The following KCNG4 variants were observed in gnomAD, a reference collection of about 807,000 sequenced individuals.
KCNG4 encodes voltage-gated potassium channel regulatory subunit KCNG4.
KCNG4 carries 30 observed loss-of-function variants against 28.2 expected under a neutral mutation model. The observed-to-expected ratio is 1.06, with a 90% CI of 0.80 to 1.44. The LOEUF is 1.44. Among genes scored for constraint, KCNG4 ranks in the 40% most tolerant of loss-of-function variants. The pLI is 0.00. For synonymous variants in KCNG4, 375 were observed against 315.5 expected, an observed-to-expected ratio of 1.19 and a Z score of -2.00; for missense variants, 879 against 712.3, an observed-to-expected ratio of 1.23 and a Z score of -2.66.
At chr16:84,225,970 C>T (rs1904686925) in intron 2 of KCNG4, among the ~76,000 whole-genome samples, 3 of 151,794 alleles carry the variant, frequency 2.0e-5, no homozygotes, top group African/African-American at 4.8e-5. Context: ...AGCAAACATT[C>T]GAAGAAAAGA....
Position 84,237,452 on chromosome 16 carries a change from G to A in KCNG4, c.34C>T (p.Pro12Ser). 6.7e-7 allele frequency: 1 copy of A among 1,503,164 alleles called. No individual in the cohort carries two copies. The highest frequency in any genetic ancestry group is 8.9e-7 in the Non-Finnish European group (1 of 1,126,654). The allele number at this position is 1,503,164 out of a possible 1,614,324, so 93.1% of individuals were successfully genotyped here. A position where few individuals can be genotyped will look rare whatever the true frequency, so the allele number is the denominator to read the frequency against. Residue 12 changes from proline to serine, a missense_variant, in exon 2 of 3, where the codon CCC (proline) becomes TCC (serine). Transcript: ENST00000308251. ...TGGGAACCATAGTGGTGGTGTCTGG[G>A]ATGCAGGCCCCCGTCTCTGGAAGGC... ...PMPSRDGGLHPRHHHYGSHSP... is the reference protein window; with the variant it reads ...PMPSRDGGLHSRHHHYGSHSP...
intron 2 of KCNG4, among the ~76,000 whole-genome samples, chr16:84,234,584 A>G (rs1471008498): frequency 6.6e-6 from 1 of 152,230 alleles, no homozygotes; most frequent in African/African-American, 2.4e-5. Context: ...TGCTTACAGC[A>G]AATGTCCATC....
intron 2 of KCNG4, among the ~76,000 whole-genome samples, chr16:84,230,745 C>T (rs762598283): frequency 6.6e-5 from 10 of 152,206 alleles, no homozygotes; most frequent in Non-Finnish European, 1.2e-4. Flanking sequence ...CCAAGGGCAC[C>T]TTACTTGGTT....
intron 1 of KCNG4, among the ~76,000 whole-genome samples, chr16:84,239,166 T>G (rs1008760852): frequency 2.2e-4 from 34 of 152,142 alleles, no homozygotes; most frequent in African/African-American, 8.0e-4. Flanking sequence ...TCAGAGCCGG[T>G]TGGATTCCGG....
At chr16:84,232,380 A>C (rs1222480146) in intron 2 of KCNG4, among the ~76,000 whole-genome samples, 1 of 152,186 alleles carries the variant, frequency 6.6e-6, no homozygotes, top group African/African-American at 2.4e-5. Flanking sequence ...GAATAGGCTA[A>C]TTCATGGAGA....
intron 2 of KCNG4, among the ~76,000 whole-genome samples, chr16:84,233,313 T>G (rs910260940): frequency 1.3e-5 from 2 of 152,214 alleles, no homozygotes; most frequent in Non-Finnish European, 2.9e-5. Flanking sequence ...CGCACCATCA[T>G]GCTGGCCTGA....
At chr16:84,233,042 G>A (rs1432337417) in intron 2 of KCNG4, among the ~76,000 whole-genome samples, 2 of 152,182 alleles carry the variant, frequency 1.3e-5, no homozygotes, top group Non-Finnish European at 2.9e-5. Flanking sequence ...AAGGATGAAT[G>A]TTTGGTTTCC....
rs528994844 is a variant in KCNG4, at chr16:84,236,942, C to T, written c.544G>A (p.Asp182Asn). 2.4e-5 allele frequency: 39 copies of T among 1,613,590 alleles called. No individual in the cohort carries two copies. The African/African-American group carries it at 3.6e-4, about 15-fold the overall frequency. The change falls in exon 2 of 3, where the codon GAC becomes AAC. Residue 182 changes from aspartate to asparagine, a missense_variant. Coordinates refer to ENST00000308251, the MANE Select transcript of KCNG4 (RefSeq NM_172347.3). ...LEELAKLHREDVLRQQRETRR... is the reference protein window; with the variant it reads ...LEELAKLHRENVLRQQRETRR... Reference sequence around the variant, plus strand: ...GTCTCCCTCTGCTGCCTCAGTACGTCCTCCCTGTGCAGCTTGGCCAGCTCC... The same window carrying T: ...GTCTCCCTCTGCTGCCTCAGTACGTTCTCCCTGTGCAGCTTGGCCAGCTCC...
At chr16:84,227,098 G>T (rs1904715358) in intron 2 of KCNG4, among the ~76,000 whole-genome samples, 1 of 152,134 alleles carries the variant, frequency 6.6e-6, no homozygotes, top group Non-Finnish European at 1.5e-5. Context: ...ACAGACAATA[G>T]CCAAGTGTCG....
intron 2 of KCNG4, among the ~76,000 whole-genome samples, chr16:84,231,811 C>G (rs1904834049): frequency 6.6e-6 from 1 of 152,042 alleles, no homozygotes; most frequent in Non-Finnish European, 1.5e-5. Context: ...CGAGACCAGA[C>G]TGGGCAAAAT....
At chr16:84,224,891 T>A (rs1200411344) in intron 2 of KCNG4, among the ~76,000 whole-genome samples, 1 of 152,208 alleles carries the variant, frequency 6.6e-6, no homozygotes, top group Non-Finnish European at 1.5e-5. Flanking sequence ...CCAGAAACCA[T>A]GTCTGCTTGT....
chr16:84,237,590 G>A, intron 1 of KCNG4, 65 bp from the exon 2 acceptor site: 2 of 1,130,518 alleles, frequency 1.8e-6, no homozygotes, highest in Non-Finnish European at 2.4e-6. Context: ...AAAGAGTCCT[G>A]GATGTCACGA....
chr16:84,229,776 C>T (rs979771794), intron 2 of KCNG4, among the ~76,000 whole-genome samples: 1 of 152,026 alleles, frequency 6.6e-6, no homozygotes, highest in East Asian at 1.9e-4. Flanking sequence ...TCAAGGAGGC[C>T]CCAGGCCAGG....
chr16:84,237,576 G>T, intron 1 of KCNG4, 51 bp from the exon 2 acceptor site: 1 of 1,322,732 alleles, frequency 7.6e-7, no homozygotes. Flanking sequence ...ATCAGTCTTG[G>T]GGCAAAGAGT....
At chr16:84,230,499 G>T (rs1439220319) in intron 2 of KCNG4, among the ~76,000 whole-genome samples, 1 of 151,964 alleles carries the variant, frequency 6.6e-6, no homozygotes, top group African/African-American at 2.4e-5. Flanking sequence ...GTGAACCCGG[G>T]GGGCAGAGCT....
rs1904522775 is a variant in KCNG4, at chr16:84,220,127, AC to A, written c.*2089del. On this transcript the variant is annotated 3_prime_UTR_variant, in exon 3 of 3. Transcript: ENST00000308251. Reference sequence around the variant, plus strand: ...CTGGAACAGAAACACTTCTATGGCTACTGTCCAAGGTGCCTGTGACATGGAA... The same window carrying A: ...CTGGAACAGAAACACTTCTATGGCTATGTCCAAGGTGCCTGTGACATGGAA... 1 of 152,202 alleles carries A rather than the reference AC, an allele frequency of 6.6e-6. No individual in the cohort carries two copies. Among genetic ancestry groups the A allele is most frequent in the Admixed American group, 6.5e-5 (1 of 15,278 alleles). The allele number at this position is 152,202 out of a possible 1,614,324, so 9.4% of individuals were successfully genotyped here.
Position 84,236,803 on chromosome 16 carries a change from A to C in KCNG4, c.683T>G (p.Ile228Ser). The C allele has an allele frequency of 6.2e-7, 1 of 1,613,764 alleles. No individual in the cohort carries two copies. The highest frequency in any genetic ancestry group is 8.5e-7 in the Non-Finnish European group (1 of 1,180,016). Reference protein sequence around the residue: ...LPGKVFACLSILFVATTAVSL... With the variant: ...LPGKVFACLSSLFVATTAVSL... ...GACGGCTGTGGTGGCCACGAAGAGG[A>C]TGGAGAGGCAAGCGAAGACCTTCCC... Residue 228 changes from isoleucine to serine, a missense_variant, in exon 2 of 3, where the codon ATC becomes AGC. Coordinates refer to ENST00000308251, the MANE Select transcript of KCNG4 (RefSeq NM_172347.3).
chr16:84,238,285 C>G (rs1458303754), intron 1 of KCNG4, among the ~76,000 whole-genome samples: 1 of 152,154 alleles, frequency 6.6e-6, no homozygotes, highest in Non-Finnish European at 1.5e-5. Context: ...AAGCACCTGA[C>G]ATCAGGAAGG....
intron 2 of KCNG4, among the ~76,000 whole-genome samples, chr16:84,227,764 G>A (rs954225713): frequency 6.6e-6 from 1 of 152,170 alleles, no homozygotes; most frequent in African/African-American, 2.4e-5. Context: ...GGGCTAAATC[G>A]TGCTACAACA....
Sources: gnomAD v4.1 joint callset for allele counts (sites outside exome capture counted in the v4.1 genomes callset) on GRCh38, gnomAD v4.1.1 for gene constraint, MANE v1.5 for transcripts, NCBI Gene and HGNC (gene_info 2026-07-23, HGNC 2026-07-21) for gene names.